Variants in CDCP2 observed in about 807,000 individuals in gnomAD.
CDCP2 encodes the protein CUB domain containing protein 2, also known as CUB domain-containing protein 2.
In CDCP2, 31 loss-of-function variants were observed where a neutral mutation model predicts 31.0. The ratio of observed to expected loss-of-function variants is 1.00; its 90% CI spans 0.75 to 1.35. The LOEUF (loss-of-function observed/expected upper bound fraction) is 1.35. Ranked by LOEUF, CDCP2 falls within the 40% of genes most tolerant of loss-of-function variation. CDCP2 has a pLI of 0.00. For missense variants in CDCP2, 443 were observed against 482.6 expected (o/e 0.92, Z 0.77); for synonymous variants, 206 against 207.9 (o/e 0.99, Z 0.08).
intron 5 of CDCP2, among the ~76,000 whole-genome samples, chr1:54,135,696 C>T (rs554633411): frequency 6.6e-6 from 1 of 152,080 alleles, no homozygotes; most frequent in Non-Finnish European, 1.5e-5. Context: ...GGCAGAATAC[C>T]TCGGCAGCCA....
intron 1 of CDCP2, among the ~76,000 whole-genome samples, chr1:54,145,874 G>A (rs973886501): frequency 6.6e-6 from 1 of 152,124 alleles, no homozygotes; most frequent in Non-Finnish European, 1.5e-5. Context: ...TCAAAACAAA[G>A]TTAAGTAACC....
intron 1 of CDCP2, among the ~76,000 whole-genome samples, chr1:54,150,266 A>G (rs375742580): frequency 6.6e-6 from 1 of 152,134 alleles, no homozygotes; most frequent in South Asian, 2.1e-4. Flanking sequence ...CATACATTGC[A>G]TTTGGTCGGT....
At chr1:54,134,743 T>C (rs923941791) in intron 5 of CDCP2, among the ~76,000 whole-genome samples, 1 of 51,774 alleles carries the variant, frequency 1.9e-5, no homozygotes, top group African/African-American at 4.1e-5. Context: ...TTTTGTTTTG[T>C]TTTGTTTTTT....
exon 4 of CDCP2, chr1:54,139,759 T>G: frequency 1.2e-6 from 2 of 1,614,188 alleles, no homozygotes; most frequent in Non-Finnish European, 1.7e-6. Flanking sequence ...TGACCTCCGA[T>G]GTAGGCCACA....
At chr1:54,149,452 T>C (rs1659537662) in intron 1 of CDCP2, among the ~76,000 whole-genome samples, 1 of 149,430 alleles carries the variant, frequency 6.7e-6, no homozygotes. Flanking sequence ...TTATTGAAGA[T>C]GATTGATGGG....
At chr1:54,144,785 T>A (rs1335722979) in exon 2 of CDCP2, 1 of 1,613,396 alleles carries the variant, frequency 6.2e-7, no homozygotes, top group South Asian at 1.1e-5. Flanking sequence ...TTCCAGAAGG[T>A]GCTGAGAGCA....
In CDCP2 at chr1:54,139,748, C is replaced by G; in HGVS notation, c.1117+5G>C. The stretch of plus-strand genomic sequence containing the variant: ...CAGTGGACCCACTCCCACAGCCCAG[C>G]TGACCTCCGATGTAGGCCACAGAGA... On this transcript the variant is annotated splice_donor_5th_base_variant and intron_variant, in intron 4 of 5. Transcript: ENST00000530059. The G allele has an allele frequency of 1.2e-6, 2 of 1,614,240 alleles. No homozygotes were observed. The highest frequency in any genetic ancestry group is 1.7e-6 in the Non-Finnish European group (2 of 1,180,048).
At chr1:54,139,450 A>G in intron 4 of CDCP2, 3 of 1,258,712 alleles carry the variant, frequency 2.4e-6, no homozygotes, top group Non-Finnish European at 1.1e-6. Flanking sequence ...CAGGGGACCA[A>G]TAACAACACA....
At chr1:54,139,653 G>GGT in intron 4 of CDCP2, 100 bp downstream of exon 4, 2 of 1,612,798 alleles carry the variant, frequency 1.2e-6, no homozygotes, top group Non-Finnish European at 8.5e-7. Flanking sequence ...CATGGGGGGG[G>GGT]CAGGACAAAC....
intron 1 of CDCP2, among the ~76,000 whole-genome samples, chr1:54,145,389 G>A (rs1659450472): frequency 6.6e-6 from 1 of 152,080 alleles, no homozygotes; most frequent in Admixed American, 6.5e-5. Context: ...TCATGCCGCT[G>A]CACTCCAGCC....
chr1:54,139,543 T>C, intron 4 of CDCP2: 1 of 1,613,500 alleles, frequency 6.2e-7, no homozygotes, highest in Non-Finnish European at 8.5e-7. Flanking sequence ...AAGGAGGCTC[T>C]GCAATAGTGG....
intron 1 of CDCP2, among the ~76,000 whole-genome samples, chr1:54,148,018 T>A (rs76675385): frequency 0.011 from 1,623 of 147,404 alleles, 53 homozygotes; most frequent in African/African-American, 0.032. Context: ...TCTCAAAATT[T>A]AAAAAAAAAA....
At chr1:54,139,641 T>C in intron 4 of CDCP2, 112 bp downstream of exon 4, 3 of 1,441,104 alleles carry the variant, frequency 2.1e-6, no homozygotes, top group Non-Finnish European at 2.8e-6. Flanking sequence ...GAGAAGACCA[T>C]TCATGGGGGG....
chr1:54,137,415 CA>C (rs1231153491), intron 4 of CDCP2, among the ~76,000 whole-genome samples: 39 of 152,082 alleles, frequency 2.6e-4, no homozygotes, highest in Admixed American at 2.5e-3. Flanking sequence ...AGGAGAGCTT[CA>C]GTTTTAAAAA....
At position 54,144,896 on chromosome 1, in the gene CDCP2, G is replaced by A. The variant is rs576613753; in HGVS notation, c.80-83C>T. The A allele has an allele frequency of 2.5e-5, 27 of 1,075,734 alleles. No individual in the cohort carries two copies. The East Asian group carries it at 7.0e-4, about 28-fold the overall frequency. The allele number at this position is 1,075,734 out of a possible 1,614,324, so 66.6% of individuals were successfully genotyped here. On this transcript the variant is annotated intron_variant, in intron 1 of 5. Transcript: ENST00000530059. ...TAAGGGCAGTGGGCCCAGCTACAAA[G>A]CTGGGTTCTTGGGATGGGATGAGGG... is the stretch of plus-strand genomic sequence containing the variant.
In CDCP2 at chr1:54,152,374, G is replaced by A. The variant is rs184327227; in HGVS notation, c.79+470C>T. On this transcript the variant is annotated intron_variant, in intron 1 of 5. Transcript: ENST00000530059. ...TGCTACTCGAGAGGCTGAGACAGGAGAATTGTTTGAACCTGGGAGGTGGAG... is the reference window on the plus strand; with the variant it reads ...TGCTACTCGAGAGGCTGAGACAGGAAAATTGTTTGAACCTGGGAGGTGGAG... Among the ~76,000 whole-genome samples the A allele has an allele frequency of 1.5e-4, 22 of 151,242 alleles. No individual in the cohort carries two copies. In the East Asian group the frequency reaches 4.4e-3, roughly 30 times the overall value.
At chr1:54,141,543 G>A in intron 2 of CDCP2, 110 bp from the exon 3 acceptor site, 2 of 920,788 alleles carry the variant, frequency 2.2e-6, no homozygotes, top group Non-Finnish European at 3.3e-6. Context: ...TCTCATTAGG[G>A]CCTCATTACC....
intron 5 of CDCP2, among the ~76,000 whole-genome samples, 199 bp from the exon 6 acceptor site, chr1:54,133,493 T>C (rs1184963919): frequency 6.6e-6 from 1 of 152,246 alleles, no homozygotes; most frequent in Non-Finnish European, 1.5e-5. Context: ...TCAGATTTGG[T>C]GCCAGTGTTT....
At chr1:54,139,406 A>G in intron 4 of CDCP2, 1 of 842,632 alleles carries the variant, frequency 1.2e-6, no homozygotes, top group Non-Finnish European at 1.8e-6. Context: ...TGCCATAAAC[A>G]ATATTACCAT....
Sources: allele counts gnomAD v4.1 joint callset (sites outside exome capture counted in the v4.1 genomes callset), GRCh38; gene constraint gnomAD v4.1.1; transcripts MANE v1.5; gene names NCBI Gene and HGNC (gene_info 2026-07-23, HGNC 2026-07-21).